The following ELAVL4 variants were observed in gnomAD, a reference collection of about 807,000 sequenced individuals.
The protein encoded by ELAVL4 is ELAV like RNA binding protein 4.
A neutral mutation model predicts 35.6 loss-of-function variants in ELAVL4; 1 was observed. That is an observed-to-expected ratio of 0.03 (90% confidence interval 0.01 to 0.13). The LOEUF (loss-of-function observed/expected upper bound fraction) is 0.13. Among genes scored for constraint, ELAVL4 ranks in the 10% least tolerant of loss-of-function variants. The probability of loss-of-function intolerance (pLI) is 1.00; values close to 1 mark genes in which losing one functional copy is unlikely to be tolerated. For missense variants in ELAVL4, 267 were observed against 464.9 expected, an observed-to-expected ratio of 0.57 and a Z score of 3.91; for synonymous variants, 156 against 171.0, an observed-to-expected ratio of 0.91 and a Z score of 0.69.
intron 1 of ELAVL4, among the ~76,000 whole-genome samples, chr1:50,062,686 G>GAA (rs1362916655): frequency 6.6e-6 from 1 of 152,120 alleles, no homozygotes; most frequent in Non-Finnish European, 1.5e-5. Context: ...ACACAGGAGG[G>GAA]AAAAGGTGGG....
chr1:50,074,368 C>A (rs1462248966), intron 1 of ELAVL4, among the ~76,000 whole-genome samples: 1 of 152,130 alleles, frequency 6.6e-6, no homozygotes, highest in Non-Finnish European at 1.5e-5. Flanking sequence ...ACAGGAAGAT[C>A]GGGTACAAAA....
At chr1:50,198,124 T>C (rs1035145382) in intron 6 of ELAVL4, among the ~76,000 whole-genome samples, 3 of 152,204 alleles carry the variant, frequency 2.0e-5, no homozygotes, top group African/African-American at 7.2e-5. Flanking sequence ...TTATATGTTA[T>C]GTGTGTTTTA....
intron 1 of ELAVL4, among the ~76,000 whole-genome samples, chr1:50,096,007 T>C (rs976160272): frequency 6.6e-6 from 1 of 152,038 alleles, no homozygotes; most frequent in African/African-American, 2.4e-5. Context: ...CAGAAAAAAA[T>C]GATTTTGTGG....
upstream of ELAVL4, among the ~76,000 whole-genome samples, chr1:50,101,390 A>G (rs1665969342): frequency 6.6e-6 from 1 of 152,168 alleles, no homozygotes; most frequent in Non-Finnish European, 1.5e-5. Context: ...CCTATTCCAA[A>G]TTTACAGCCT....
chr1:50,079,973 A>G (rs749579968), intron 1 of ELAVL4, among the ~76,000 whole-genome samples: 1 of 152,034 alleles, frequency 6.6e-6, no homozygotes, highest in Admixed American at 6.6e-5. Context: ...TGCGTATGCC[A>G]TCCTATTTTA....
intron 2 of ELAVL4, among the ~76,000 whole-genome samples, chr1:50,164,251 G>T (rs1452421255): frequency 2.0e-5 from 3 of 152,144 alleles, no homozygotes; most frequent in Non-Finnish European, 4.4e-5. Context: ...GGGATCTTAT[G>T]GGTCAGTCTT....
At chr1:50,080,254 G>T (rs1572142454) in intron 1 of ELAVL4, among the ~76,000 whole-genome samples, 1 of 152,182 alleles carries the variant, frequency 6.6e-6, no homozygotes, top group African/African-American at 2.4e-5. Context: ...GGATAGGCTT[G>T]TAAGGCTCAG....
intron 1 of ELAVL4, among the ~76,000 whole-genome samples, chr1:50,060,511 C>T (rs1663904065): frequency 1.3e-5 from 2 of 152,186 alleles, no homozygotes; most frequent in Admixed American, 6.5e-5. Context: ...CAACTTGGCT[C>T]AGGATCAAGA....
At chr1:50,079,749 G>A (rs1664926576) in intron 1 of ELAVL4, among the ~76,000 whole-genome samples, 1 of 152,176 alleles carries the variant, frequency 6.6e-6, no homozygotes, top group Admixed American at 6.5e-5. Context: ...AAAGCATACT[G>A]TAAGGTGTTA....
chr1:50,176,051 A>G (rs533214110), intron 2 of ELAVL4, among the ~76,000 whole-genome samples: 2 of 152,296 alleles, frequency 1.3e-5, no homozygotes, highest in East Asian at 3.9e-4. Flanking sequence ...AGAAAATGTA[A>G]AGTTTCCTAA....
At chr1:50,103,272 A>G (rs929524409), upstream of ELAVL4, among the ~76,000 whole-genome samples, 1 of 152,218 alleles carries the variant, frequency 6.6e-6, no homozygotes, top group African/African-American at 2.4e-5. Flanking sequence ...CTACTTAGGA[A>G]GGAGAAAGGC....
chr1:50,181,525 C>G (rs1681019976), intron 3 of ELAVL4, among the ~76,000 whole-genome samples: 1 of 152,200 alleles, frequency 6.6e-6, no homozygotes, highest in Non-Finnish European at 1.5e-5. Context: ...ATTCACTAGC[C>G]TGCCAGAGCA....
chr1:50,113,817 AAG>A (rs1377497841), intron 1 of ELAVL4, among the ~76,000 whole-genome samples: 13 of 152,086 alleles, frequency 8.5e-5, no homozygotes, highest in African/African-American at 3.1e-4. Context: ...GTGTGCGAGA[AAG>A]AGAAGCAGAG....
At chr1:50,056,252 T>C (rs1663663695) in intron 1 of ELAVL4, among the ~76,000 whole-genome samples, 1 of 152,188 alleles carries the variant, frequency 6.6e-6, no homozygotes, top group Non-Finnish European at 1.5e-5. Flanking sequence ...CACCCCAAGT[T>C]TGTATTACTA....
intron 1 of ELAVL4, among the ~76,000 whole-genome samples, chr1:50,127,816 A>T (rs573514033): frequency 4.6e-5 from 7 of 152,280 alleles, no homozygotes; most frequent in African/African-American, 1.7e-4. Flanking sequence ...AGCTCTAGTG[A>T]CTGTTTTCTT....
At chr1:50,067,808 T>TAC (rs1293068624) in intron 1 of ELAVL4, among the ~76,000 whole-genome samples, 14 of 152,212 alleles carry the variant, frequency 9.2e-5, no homozygotes, top group Non-Finnish European at 1.9e-4. Context: ...TCAGGAAACT[T>TAC]ACATTCGTGT....
intron 1 of ELAVL4, among the ~76,000 whole-genome samples, chr1:50,125,902 G>A (rs942026423): frequency 1.3e-5 from 2 of 151,866 alleles, no homozygotes; most frequent in African/African-American, 4.8e-5. Context: ...TGGGGTCTTG[G>A]TAAAGTCATT....
chr1:50,116,717 A>C (rs577534358), intron 1 of ELAVL4, among the ~76,000 whole-genome samples: 5 of 152,068 alleles, frequency 3.3e-5, no homozygotes, highest in African/African-American at 4.8e-5. Flanking sequence ...ATCTTTACTA[A>C]TGAAGCTTTC....
At chr1:50,130,645 C>T (rs1557748575) in intron 1 of ELAVL4, among the ~76,000 whole-genome samples, 1 of 152,150 alleles carries the variant, frequency 6.6e-6, no homozygotes, top group African/African-American at 2.4e-5. Flanking sequence ...TCCATTACTA[C>T]ACTTATGACA....
Sources: allele counts gnomAD v4.1 joint callset (sites outside exome capture counted in the v4.1 genomes callset), GRCh38; gene constraint gnomAD v4.1.1; transcripts MANE v1.5; gene names NCBI Gene and HGNC (gene_info 2026-07-23, HGNC 2026-07-21).